The following PRKG1 variants were observed in gnomAD, a reference collection of about 807,000 sequenced individuals.
PRKG1 encodes protein kinase cGMP-dependent 1.
In PRKG1, 35 loss-of-function variants were observed where a neutral mutation model predicts 88.1. The ratio of observed to expected loss-of-function variants is 0.40; its 90% confidence interval spans 0.30 to 0.53. PRKG1 has a LOEUF of 0.53. Among genes scored for constraint, PRKG1 ranks in the 20% least tolerant of loss-of-function variants. The pLI, the probability that PRKG1 is intolerant of heterozygous loss-of-function variation, is 0.59. For synonymous variants in PRKG1, 303 were observed against 292.5 expected (o/e 1.04, Z -0.37); for missense variants, 540 against 839.8 (o/e 0.64, Z 4.41).
At chr10:51,569,403 G>A (rs1837690069) in intron 3 of PRKG1, among the ~76,000 whole-genome samples, 1 of 151,982 alleles carries the variant, frequency 6.6e-6, no homozygotes, top group Admixed American at 6.6e-5. Context: ...TGGAGTATTT[G>A]TCTTCATTAA....
chr10:51,667,476 A>G (rs1227655753), intron 3 of PRKG1, among the ~76,000 whole-genome samples: 1 of 152,166 alleles, frequency 6.6e-6, no homozygotes, highest in African/African-American at 2.4e-5. Context: ...AATAATGATG[A>G]CTTAGGATTA....
At chr10:52,253,158 T>C (rs1306788082) in intron 10 of PRKG1, among the ~76,000 whole-genome samples, 1 of 151,992 alleles carries the variant, frequency 6.6e-6, no homozygotes, top group African/African-American at 2.4e-5. Context: ...CAGAGAGTGA[T>C]TGTAGGACTG....
intron 14 of PRKG1, 98 bp from the exon 15 acceptor site, chr10:52,288,628 A>T: frequency 7.8e-7 from 1 of 1,286,618 alleles, no homozygotes; most frequent in South Asian, 1.7e-5. Flanking sequence ...TAAGCCCCCA[A>T]ATATGAATTG....
chr10:51,108,883 A>G (rs1394052188), intron 1 of PRKG1, among the ~76,000 whole-genome samples: 1 of 152,204 alleles, frequency 6.6e-6, no homozygotes, highest in Admixed American at 6.5e-5. Context: ...ATTATATAGA[A>G]AAGCTACTAG....
intron 5 of PRKG1, among the ~76,000 whole-genome samples, chr10:51,986,186 T>C (rs1313398850): frequency 1.3e-5 from 2 of 152,106 alleles, no homozygotes; most frequent in East Asian, 3.9e-4. Flanking sequence ...TTTTCAACCA[T>C]CTTAAAATTG....
intron 2 of PRKG1, among the ~76,000 whole-genome samples, chr10:51,261,288 T>C (rs1442987200): frequency 6.6e-6 from 1 of 152,256 alleles, no homozygotes; most frequent in African/African-American, 2.4e-5. Flanking sequence ...GCAACACTTC[T>C]AGATTCAGAG....
In PRKG1 at chr10:52,072,495, C is replaced by T. The variant is rs143574555; in HGVS notation, c.935+9864C>T. ...GAGTATCATAGTAACATTTTTTCTCCACCCCAGAACTTTTTCCTACGGGGC... is the reference window on the plus strand; with the variant it reads ...GAGTATCATAGTAACATTTTTTCTCTACCCCAGAACTTTTTCCTACGGGGC... On this transcript the variant is annotated intron_variant, in intron 7 of 17. Coordinates refer to ENST00000373980, the MANE Select transcript of PRKG1 (RefSeq NM_006258.4). Among the ~76,000 whole-genome samples the T allele has an allele frequency of 1.6e-4, 25 of 152,132 alleles. No homozygotes were observed. In the East Asian group the frequency reaches 3.9e-3, roughly 24 times the overall value.
At chr10:51,406,235 C>T (rs1444142673) in intron 2 of PRKG1, among the ~76,000 whole-genome samples, 1 of 152,186 alleles carries the variant, frequency 6.6e-6, no homozygotes. Flanking sequence ...TGTTCCTCTC[C>T]CTGCTCATTC....
intron 5 of PRKG1, among the ~76,000 whole-genome samples, chr10:51,992,302 T>A (rs1844332395): frequency 6.6e-6 from 1 of 152,148 alleles, no homozygotes; most frequent in South Asian, 2.1e-4. Context: ...ATAAATTTCA[T>A]GGTCTCCTCT....
At chr10:52,155,307 C>T (rs545241736) in intron 8 of PRKG1, among the ~76,000 whole-genome samples, 8 of 151,886 alleles carry the variant, frequency 5.3e-5, no homozygotes, top group African/African-American at 1.9e-4. Context: ...ACATCCATAC[C>T]AAAAATATGT....
chr10:51,485,295 T>C (rs1337029949), intron 3 of PRKG1, among the ~76,000 whole-genome samples: 1 of 152,222 alleles, frequency 6.6e-6, no homozygotes, highest in African/African-American at 2.4e-5. Context: ...GTTCCAATTA[T>C]TGGGAAGAAA....
At chr10:51,173,625 G>A (rs556978333) in intron 2 of PRKG1, among the ~76,000 whole-genome samples, 4 of 151,922 alleles carry the variant, frequency 2.6e-5, no homozygotes, top group South Asian at 4.1e-4. Flanking sequence ...TTTAGCTTTC[G>A]ATGTCTTCTA....
At chr10:51,874,597 T>C (rs2339888) in intron 4 of PRKG1, among the ~76,000 whole-genome samples, 115,451 of 152,114 alleles carry the variant, frequency 0.76, 44,287 homozygotes, top group African/African-American at 0.87. Flanking sequence ...AAAGCTTTGC[T>C]GGTACCTTAG....
chr10:50,992,180 C>T (rs2660215), intron 1 of PRKG1, among the ~76,000 whole-genome samples: 81,556 of 151,874 alleles, frequency 0.54, 22,021 homozygotes, highest in Admixed American at 0.6. Context: ...AACCCGAGCT[C>T]TGCTGGCGGA....
chr10:51,578,221 T>C (rs1480156099), intron 3 of PRKG1, among the ~76,000 whole-genome samples: 2 of 152,146 alleles, frequency 1.3e-5, no homozygotes, highest in South Asian at 2.1e-4. Context: ...TAAATAGCAA[T>C]CCTTACCAAA....
chr10:51,452,202 A>C (rs1247767403), intron 2 of PRKG1, among the ~76,000 whole-genome samples: 1 of 151,848 alleles, frequency 6.6e-6, no homozygotes, highest in East Asian at 1.9e-4. Context: ...TGTTATACCC[A>C]ATTTTTCCAC....
intron 3 of PRKG1, among the ~76,000 whole-genome samples, chr10:51,510,558 A>T (rs1331458044): frequency 6.6e-6 from 1 of 152,138 alleles, no homozygotes; most frequent in African/African-American, 2.4e-5. Context: ...AATTTTAATT[A>T]TTTTCTTCAA....
chr10:51,138,041 T>A lies in PRKG1; in HGVS notation c.312-15123T>A, dbSNP rs191663570. Among the ~76,000 whole-genome samples the A allele has an allele frequency of 2.6e-5, 4 of 152,302 alleles. No individual in the cohort carries two copies. In the East Asian group the frequency reaches 7.7e-4, roughly 29 times the overall value. On this transcript the variant is annotated intron_variant, in intron 1 of 17. Transcript: ENST00000373980. ...ATTGGTGGTTCCAAAAGTAGCTTAT[T>A]AATTAGAAGTATTTACTTTTTACTT...
intron 3 of PRKG1, among the ~76,000 whole-genome samples, chr10:51,646,772 T>C (rs1244213896): frequency 6.6e-6 from 1 of 151,826 alleles, no homozygotes; most frequent in Non-Finnish European, 1.5e-5. Flanking sequence ...ATATATTTAA[T>C]AAATCAGCTA....
Sources: gnomAD v4.1 joint callset for allele counts (sites outside exome capture counted in the v4.1 genomes callset) on GRCh38, gnomAD v4.1.1 for gene constraint, MANE v1.5 for transcripts, NCBI Gene and HGNC (gene_info 2026-07-23, HGNC 2026-07-21) for gene names.